Variants in WDR25 observed in about 807,000 individuals in gnomAD.
WDR25 encodes WD repeat-containing protein 25.
A neutral mutation model predicts 47.7 loss-of-function variants in WDR25; 35 were observed. That is an observed-to-expected ratio of 0.73 (90% CI 0.56 to 0.97). The LOEUF is 0.97. Ranked by LOEUF, WDR25 falls within the 50% of genes least tolerant of loss-of-function variation. WDR25 has a pLI of 0.00. For synonymous variants in WDR25, 248 were observed against 278.9 expected, an observed-to-expected ratio of 0.89 and a Z score of 1.10; for missense variants, 634 against 704.7, an observed-to-expected ratio of 0.90 and a Z score of 1.14.
At chr14:100,395,065 G>A (rs982224138) in intron 2 of WDR25, among the ~76,000 whole-genome samples, 3 of 152,162 alleles carry the variant, frequency 2.0e-5, no homozygotes, top group East Asian at 1.9e-4. Flanking sequence ...CAGTGAGGAC[G>A]GCCAGGTGAA....
chr14:100,486,583 C>T (rs945783468), intron 4 of WDR25, among the ~76,000 whole-genome samples: 6 of 152,188 alleles, frequency 3.9e-5, no homozygotes, highest in Admixed American at 2.0e-4. Context: ...CAAATGGACT[C>T]GGCAGGAGGA....
chr14:100,526,232 CCTT>C (rs914826954), intron 5 of WDR25, among the ~76,000 whole-genome samples, 192 bp downstream of exon 5: 1 of 152,156 alleles, frequency 6.6e-6, no homozygotes, highest in African/African-American at 2.4e-5. Flanking sequence ...GATGCAACCT[CCTT>C]CTGCTCTTCT....
chr14:100,508,838 A>T (rs1056883994), intron 4 of WDR25, among the ~76,000 whole-genome samples: 12 of 152,116 alleles, frequency 7.9e-5, no homozygotes, highest in Non-Finnish European at 1.2e-4. Flanking sequence ...GAATTTTGTC[A>T]AAAATGATTT....
intron 3 of WDR25, among the ~76,000 whole-genome samples, chr14:100,480,467 A>G (rs1283122543): frequency 6.6e-6 from 1 of 152,214 alleles, no homozygotes; most frequent in Non-Finnish European, 1.5e-5. Context: ...AGAAGATACT[A>G]GAAAAAAAAG....
chr14:100,454,496 A>G (rs1163474055), intron 2 of WDR25: 1 of 1,229,930 alleles, frequency 8.1e-7, no homozygotes, highest in African/African-American at 1.5e-5. Context: ...ACCCTCCCAC[A>G]GCTAACAACT....
In WDR25 at chr14:100,425,870, A is replaced by C. The variant is rs1898151924; in HGVS notation, c.823-42151A>C. 6.6e-6 allele frequency among the ~76,000 whole-genome samples: 1 copy of C among 152,154 alleles called. No individual in the cohort carries two copies. The highest frequency in any genetic ancestry group is 6.5e-5 in the Admixed American group (1 of 15,282). ...TGCAGCCAGGGAAATCACCTGGGGC[A>C]AGCTGACCCTCAACATGAGGCAAGG... On this transcript the variant is annotated intron_variant, in intron 2 of 6. Transcript: ENST00000402312. The surrounding 1 kb of genome is among the most constrained non-coding windows in gnomAD (Gnocchi z 4.8).
intron 3 of WDR25, among the ~76,000 whole-genome samples, chr14:100,478,761 C>T (rs989810412): frequency 1.3e-5 from 2 of 152,112 alleles, no homozygotes; most frequent in East Asian, 1.9e-4. Flanking sequence ...GTTCGATCAT[C>T]GTCTTTTAGC....
intron 4 of WDR25, among the ~76,000 whole-genome samples, chr14:100,497,825 C>A (rs1900784293): frequency 6.6e-6 from 1 of 152,150 alleles, no homozygotes; most frequent in South Asian, 2.1e-4. Context: ...GTGTCCCCCT[C>A]CCCCCGCCAG....
chr14:100,493,852 G>T (rs1292816903), intron 4 of WDR25, among the ~76,000 whole-genome samples: 3 of 152,132 alleles, frequency 2.0e-5, no homozygotes, highest in Non-Finnish European at 4.4e-5. Flanking sequence ...TAGAACTGGG[G>T]ATAGTACCCC....
intron 2 of WDR25, among the ~76,000 whole-genome samples, chr14:100,416,131 T>C (rs1184365954): frequency 6.6e-6 from 1 of 152,188 alleles, no homozygotes; most frequent in Non-Finnish European, 1.5e-5. Flanking sequence ...AGCCACTGAG[T>C]TGTGACTTCT....
At chr14:100,419,236 A>T (rs1003034240) in intron 2 of WDR25, among the ~76,000 whole-genome samples, 4 of 151,520 alleles carry the variant, frequency 2.6e-5, no homozygotes, top group Admixed American at 1.3e-4. Context: ...AAAAAAAAAA[A>T]AAAAATTTAT....
At chr14:100,495,917 A>G (rs1900715053) in intron 4 of WDR25, among the ~76,000 whole-genome samples, 1 of 152,160 alleles carries the variant, frequency 6.6e-6, no homozygotes, top group Non-Finnish European at 1.5e-5. Context: ...TTTGTTTGTA[A>G]GTCTTTGTGT....
At chr14:100,494,740 T>C (rs1319326395) in intron 4 of WDR25, among the ~76,000 whole-genome samples, 2 of 152,214 alleles carry the variant, frequency 1.3e-5, no homozygotes, top group East Asian at 1.9e-4. Flanking sequence ...GGGGAAGGAA[T>C]TGGGCGTTTC....
intron 2 of WDR25, chr14:100,382,181 C>T (rs1346662346): frequency 1.4e-5 from 10 of 702,836 alleles, no homozygotes; most frequent in Non-Finnish European, 2.6e-5. Context: ...GGTGTCAGGG[C>T]TTGCACAGTG....
At position 100,424,406 on chromosome 14, in the gene WDR25, G is replaced by A. The variant is rs147624235; in HGVS notation, c.822+42660G>A. On this transcript the variant is annotated intron_variant, in intron 2 of 6. Transcript: ENST00000402312. The surrounding 1 kb of genome is among the most constrained non-coding windows in gnomAD (Gnocchi z 4.2). The stretch of plus-strand genomic sequence containing the variant: ...TTATCCTAATTAAACCTCAGACCTT[G>A]TTTGCATGTTAAGAGTTAGCAGGAC... Among the ~76,000 whole-genome samples, 71 of 152,320 alleles carry A rather than the reference G, an allele frequency of 4.7e-4. No individual in the cohort carries two copies. The highest frequency in any genetic ancestry group is 1.7e-3 in the African/African-American group (69 of 41,568).
chr14:100,519,723 CTA>C (rs555463843), intron 4 of WDR25, among the ~76,000 whole-genome samples: 4 of 136,178 alleles, frequency 2.9e-5, no homozygotes, highest in South Asian at 2.2e-4. Flanking sequence ...TGTATATATA[CTA>C]TATATAGTGT....
At chr14:100,427,139 G>A (rs979025493) in intron 2 of WDR25, among the ~76,000 whole-genome samples, 21 of 152,054 alleles carry the variant, frequency 1.4e-4, no homozygotes, top group Non-Finnish European at 2.6e-4. Context: ...ATGTGGAGCC[G>A]TGCTGTCCTT....
chr14:100,381,998 G>A (rs187096917), intron 2 of WDR25: 62 of 696,564 alleles, frequency 8.9e-5, no homozygotes, highest in Admixed American at 1.8e-4. Context: ...CTCGGAGGCC[G>A]TGAGGGAGGA....
chr14:100,472,428 G>A (rs1429383310), intron 3 of WDR25, among the ~76,000 whole-genome samples: 1 of 152,238 alleles, frequency 6.6e-6, no homozygotes, highest in Non-Finnish European at 1.5e-5. Context: ...ACACCACCTG[G>A]TGCTGGGGCT....
Sources: allele counts gnomAD v4.1 joint callset (sites outside exome capture counted in the v4.1 genomes callset), GRCh38; gene constraint gnomAD v4.1.1; non-coding constraint Gnocchi (gnomAD v3.1); transcripts MANE v1.5; gene names NCBI Gene and HGNC (gene_info 2026-07-23, HGNC 2026-07-21).